MIPOL1: variants seen among roughly 807,000 people sequenced by gnomAD.
MIPOL1 encodes the protein mirror-image polydactyly gene 1 protein.
Under a neutral mutation model 60.9 loss-of-function variants are expected in MIPOL1, and 57 were observed. The ratio of observed to expected loss-of-function variants is 0.94; its 90% confidence interval spans 0.76 to 1.17. The LOEUF (loss-of-function observed/expected upper bound fraction) is 1.17. MIPOL1 is among the 50% of genes most tolerant of loss of function. MIPOL1 has a pLI of 0.00. For synonymous variants in MIPOL1, 179 were observed against 168.8 expected (o/e 1.06, Z -0.47); for missense variants, 551 against 511.6 (o/e 1.08, Z -0.74).
intron 7 of MIPOL1, among the ~76,000 whole-genome samples, chr14:37,297,293 TG>T (rs1178109448): frequency 1.3e-5 from 2 of 152,320 alleles, no homozygotes; most frequent in Non-Finnish European, 2.9e-5. Flanking sequence ...TAGGTATTGA[TG>T]GGATGTATCT....
intron 11 of MIPOL1, among the ~76,000 whole-genome samples, chr14:37,442,088 TTGTGTG>T (rs3985271): frequency 0.44 from 63,098 of 143,558 alleles, 13,607 homozygotes; most frequent in Middle Eastern, 0.51. Context: ...TTCTACTTTG[TTGTGTG>T]TGTGTGTGTG....
At chr14:37,213,561 G>A (rs941032450) in intron 1 of MIPOL1, among the ~76,000 whole-genome samples, 1 of 152,092 alleles carries the variant, frequency 6.6e-6, no homozygotes, top group Non-Finnish European at 1.5e-5. Flanking sequence ...AATGAAGCAT[G>A]CCTACAGGAT....
chr14:37,247,813 G>C lies in MIPOL1; in HGVS notation c.-60-16G>C, dbSNP rs889903524. The C allele has an allele frequency of 6.8e-7, 1 of 1,472,842 alleles. No homozygotes were observed. The highest frequency in any genetic ancestry group is 1.7e-5 in the Admixed American group (1 of 58,730). The allele number at this position is 1,472,842 out of a possible 1,614,324, so 91.2% of individuals were successfully genotyped here. On this transcript the variant is annotated splice_polypyrimidine_tract_variant and intron_variant, in intron 2 of 12. Transcript: ENST00000684589. Reference sequence around the variant, plus strand: ...ATTGTTTTCAGTTTATTTATCTAGAGTTGGCTTTATTTTAGCTGCAAATCT... The same window carrying C: ...ATTGTTTTCAGTTTATTTATCTAGACTTGGCTTTATTTTAGCTGCAAATCT...
intron 10 of MIPOL1, among the ~76,000 whole-genome samples, chr14:37,422,534 G>T (rs1473664279): frequency 6.6e-6 from 1 of 151,924 alleles, no homozygotes; most frequent in Non-Finnish European, 1.5e-5. Context: ...TGTAGATATT[G>T]CTCTGAAACC....
chr14:37,292,144 C>A (rs2085129620), intron 7 of MIPOL1, among the ~76,000 whole-genome samples: 1 of 151,834 alleles, frequency 6.6e-6, no homozygotes, highest in Non-Finnish European at 1.5e-5. Flanking sequence ...CCAGGATGGT[C>A]TCTATCTCTG....
At chr14:37,242,084 C>T (rs990015432) in intron 1 of MIPOL1, among the ~76,000 whole-genome samples, 4 of 150,616 alleles carry the variant, frequency 2.7e-5, no homozygotes, top group African/African-American at 4.9e-5. Flanking sequence ...TCATTTTGGG[C>T]CTCTCGGTGG....
intron 9 of MIPOL1, among the ~76,000 whole-genome samples, chr14:37,318,463 G>GCCT (rs2088178613): frequency 6.6e-6 from 1 of 151,950 alleles, no homozygotes; most frequent in Non-Finnish European, 1.5e-5. Context: ...TTTTTCCCTT[G>GCCT]TCAGTTTGTT....
At chr14:37,513,387 A>G (rs895728074) in intron 12 of MIPOL1, among the ~76,000 whole-genome samples, 1 of 152,148 alleles carries the variant, frequency 6.6e-6, no homozygotes, top group African/African-American at 2.4e-5. Flanking sequence ...TATACCTACA[A>G]TGTTTGACAA....
chr14:37,424,684 A>G (rs1447849903), intron 11 of MIPOL1, among the ~76,000 whole-genome samples: 1 of 152,190 alleles, frequency 6.6e-6, no homozygotes, highest in African/African-American at 2.4e-5. Flanking sequence ...GTTGGGAATC[A>G]TTTGCTTTTG....
At chr14:37,233,190 A>AGTGTTT (rs1314821241) in intron 1 of MIPOL1, among the ~76,000 whole-genome samples, 1 of 152,162 alleles carries the variant, frequency 6.6e-6, no homozygotes, top group Non-Finnish European at 1.5e-5. Flanking sequence ...TAAAATTTCC[A>AGTGTTT]GTCATTCTTT....
chr14:37,532,945 G>T (rs1432009278), intron 12 of MIPOL1, among the ~76,000 whole-genome samples: 1 of 151,742 alleles, frequency 6.6e-6, no homozygotes, highest in South Asian at 2.1e-4. Context: ...AGAATTCCTT[G>T]TCTATAAAAT....
intron 9 of MIPOL1, among the ~76,000 whole-genome samples, chr14:37,312,452 A>G (rs1326868178): frequency 6.6e-6 from 1 of 152,106 alleles, no homozygotes; most frequent in East Asian, 1.9e-4. Context: ...TTTTCTAATT[A>G]TGTCTTCTGT....
Position 37,500,082 on chromosome 14 carries a change from A to G in MIPOL1, c.1206A>G (p.Glu402=), listed in dbSNP as rs151058777. 1.9e-5 allele frequency: 31 copies of G among 1,613,736 alleles called. No individual in the cohort carries two copies. Among genetic ancestry groups the G allele is most frequent in the African/African-American group, 5.3e-5 (4 of 74,918 alleles). ...CTCTGACAGAGCGAGCAAATATGGA[A>G]TTACAACTTCAACATGCCAGAGAGG... ...QQALTERANM[E]LQLQHAREAS... is the part of the protein sequence containing the mutation. Residue 402 remains glutamate, a synonymous_variant, in exon 12 of 13, where the codon GAA becomes GAG. Transcript: ENST00000684589.
chr14:37,357,080 T>C (rs974448194), intron 9 of MIPOL1, among the ~76,000 whole-genome samples: 1 of 152,244 alleles, frequency 6.6e-6, no homozygotes, highest in Non-Finnish European at 1.5e-5. Context: ...GAGGTGCAGA[T>C]ATCTCTTCAA....
In MIPOL1 at chr14:37,499,961, C is replaced by A. The variant is rs147813506; in HGVS notation, c.1085C>A (p.Thr362Asn). 3.7e-5 allele frequency: 59 copies of A among 1,611,556 alleles called. No individual in the cohort carries two copies. Among genetic ancestry groups the A allele is most frequent in the Admixed American group, 6.7e-5 (4 of 59,938 alleles). The change falls in exon 12 of 13, where the codon ACC becomes AAC. Residue 362 changes from threonine to asparagine, a missense_variant. By Grantham distance (65) the Thr-to-Asn change is moderately conservative. Transcript: ENST00000684589. Reference sequence around the variant, plus strand: ...AATCTGAAGGATCAGTTTAACTATACCCTTAGTACATATGAAGAAGCTTTA... The same window carrying A: ...AATCTGAAGGATCAGTTTAACTATAACCTTAGTACATATGAAGAAGCTTTA... ...EENLKDQFNYTLSTYEEALKN... is the reference protein window; with the variant it reads ...EENLKDQFNYNLSTYEEALKN...
At chr14:37,369,713 T>G in intron 10 of MIPOL1, 89 bp downstream of exon 10, 1 of 897,136 alleles carries the variant, frequency 1.1e-6, no homozygotes, top group Non-Finnish European at 1.7e-6. Context: ...TGTGTACATT[T>G]CAGCAGAAGT....
chr14:37,207,219 G>A lies in MIPOL1; in HGVS notation c.-199+9115G>A, dbSNP rs991028980. 2.6e-5 allele frequency among the ~76,000 whole-genome samples: 4 copies of A among 152,188 alleles called. No homozygotes were observed. The East Asian group carries it at 5.8e-4, about 22-fold the overall frequency. On this transcript the variant is annotated intron_variant, in intron 1 of 12. Coordinates refer to ENST00000684589, the MANE Select transcript of MIPOL1 (RefSeq NM_001388067.1). ...ATCATGGGGGCAGTTCCCCCATACT[G>A]TTCTCCTGGTAGTGAATAAGTCCAG... is the stretch of plus-strand genomic sequence containing the variant.
intron 11 of MIPOL1, among the ~76,000 whole-genome samples, chr14:37,457,208 GA>G (rs2094486527): frequency 6.6e-6 from 1 of 152,136 alleles, no homozygotes; most frequent in African/African-American, 2.4e-5. Context: ...GAGCTCTCCA[GA>G]AAGGGACTTT....
chr14:37,522,890 A>T (rs780609017), intron 12 of MIPOL1, among the ~76,000 whole-genome samples: 3 of 152,112 alleles, frequency 2.0e-5, no homozygotes, highest in Non-Finnish European at 4.4e-5. Flanking sequence ...AAATTAATAG[A>T]TATGAATCCT....
Sources: gnomAD v4.1 joint callset for allele counts (sites outside exome capture counted in the v4.1 genomes callset) on GRCh38, gnomAD v4.1.1 for gene constraint, MANE v1.5 for transcripts, NCBI Gene and HGNC (gene_info 2026-07-23, HGNC 2026-07-21) for gene names.